Variants in RBMS3 observed in about 807,000 individuals in gnomAD.
RBMS3 encodes the protein RNA binding motif single stranded interacting protein 3, also known as RNA-binding motif, single-stranded-interacting protein 3.
In RBMS3, 27 loss-of-function variants were observed where a neutral mutation model predicts 66.8. The observed-to-expected ratio is 0.40, with a 90% CI of 0.30 to 0.56. The LOEUF (loss-of-function observed/expected upper bound fraction) is 0.56. Ranked by LOEUF, RBMS3 falls within the 20% of genes least tolerant of loss-of-function variation. The pLI is 0.40. For missense variants in RBMS3, 513 were observed against 549.5 expected (o/e 0.93, Z 0.66); for synonymous variants, 188 against 183.0 (o/e 1.03, Z -0.22).
At chr3:29,912,163 T>C (rs1028746128) in intron 10 of RBMS3, among the ~76,000 whole-genome samples, 1 of 152,050 alleles carries the variant, frequency 6.6e-6, no homozygotes, top group Non-Finnish European at 1.5e-5. Flanking sequence ...CTTTCCCAAC[T>C]ACAGTATAAT....
intron 3 of RBMS3, among the ~76,000 whole-genome samples, chr3:29,553,717 G>A (rs937947231): frequency 6.6e-6 from 1 of 151,072 alleles, no homozygotes; most frequent in African/African-American, 2.4e-5. Flanking sequence ...CATTATGAAT[G>A]TCTCGATTTG....
At chr3:29,969,100 A>T (rs968882016) in intron 12 of RBMS3, among the ~76,000 whole-genome samples, 1 of 152,234 alleles carries the variant, frequency 6.6e-6, no homozygotes, top group Non-Finnish European at 1.5e-5. Flanking sequence ...TTGGATAAAC[A>T]TTTTAAATGG....
At chr3:29,995,684 G>A (rs891678685) in intron 14 of RBMS3, among the ~76,000 whole-genome samples, 7 of 152,072 alleles carry the variant, frequency 4.6e-5, no homozygotes, top group Non-Finnish European at 1.0e-4. Context: ...ATAAGTGAAG[G>A]AGAAATAAAA....
chr3:29,513,133 G>A lies in RBMS3; in HGVS notation c.307+24634G>A, dbSNP rs541224299. On this transcript the variant is annotated intron_variant, in intron 3 of 14. Coordinates refer to ENST00000383767, the MANE Select transcript of RBMS3 (RefSeq NM_001003793.3). The stretch of plus-strand genomic sequence containing the variant: ...CCTTTCGCATTTGACATTTACACTG[G>A]TGGCGGATTTTTATGTAACTTGTTA... 7.8e-4 allele frequency among the ~76,000 whole-genome samples: 118 copies of A among 152,250 alleles called. 1 individual carries two copies. The highest frequency in any genetic ancestry group is 3.1e-4 in the Non-Finnish European group (21 of 68,014).
intron 1 of RBMS3, chr3:29,390,919 C>G (rs1436936160): frequency 5.5e-6 from 1 of 182,714 alleles, no homozygotes; most frequent in African/African-American, 2.3e-5. Context: ...AGCTGAAGAC[C>G]ACCCTCATCC....
intron 6 of RBMS3, among the ~76,000 whole-genome samples, chr3:29,771,082 G>A (rs927702077): frequency 6.6e-6 from 1 of 152,006 alleles, no homozygotes. Flanking sequence ...TAAGAGAAAT[G>A]TGAATGAAAA....
chr3:29,295,619 A>C (rs1478659323), intron 1 of RBMS3, among the ~76,000 whole-genome samples: 2 of 151,408 alleles, frequency 1.3e-5, no homozygotes, highest in Admixed American at 6.6e-5. Flanking sequence ...TATGAGATCA[A>C]ATTGAACAGG....
At position 29,434,833 on chromosome 3, in the gene RBMS3, G is replaced by A. The variant is rs2041338354; in HGVS notation, c.166G>A (p.Glu56Lys). ...SNNSSNNSSG[E>K]QLSKTNLYIR... ...CAACAGCAGCAACAACAGCAGCGGG[G>A]AACAGTTGAGTAAAACCAACCTGTA... Residue 56 changes from glutamate (E) to lysine (K), a missense_variant, in exon 2 of 15, where the codon GAA becomes AAA. Coordinates refer to ENST00000383767, the MANE Select transcript of RBMS3 (RefSeq NM_001003793.3). 6.2e-7 allele frequency: 1 copy of A among 1,614,112 alleles called. No individual in the cohort carries two copies. Among genetic ancestry groups the A allele is most frequent in the Non-Finnish European group, 8.5e-7 (1 of 1,180,018 alleles).
chr3:29,626,654 C>T (rs1454686993), intron 4 of RBMS3, among the ~76,000 whole-genome samples: 1 of 152,104 alleles, frequency 6.6e-6, no homozygotes, highest in Non-Finnish European at 1.5e-5. Flanking sequence ...GTAGTGGAAA[C>T]ATCAATATGA....
intron 3 of RBMS3, among the ~76,000 whole-genome samples, chr3:29,514,475 A>G (rs1209503054): frequency 6.6e-6 from 1 of 151,828 alleles, no homozygotes; most frequent in Non-Finnish European, 1.5e-5. Flanking sequence ...TTAGCACTGA[A>G]TGGGATTTAC....
intron 1 of RBMS3, among the ~76,000 whole-genome samples, chr3:29,295,310 T>C (rs368989690): frequency 5.9e-5 from 4 of 67,532 alleles, no homozygotes; most frequent in African/African-American, 1.8e-4. Flanking sequence ...TATATCTATA[T>C]ATATACATAT....
At chr3:29,719,255 G>T (rs1177185736) in intron 4 of RBMS3, among the ~76,000 whole-genome samples, 1 of 152,106 alleles carries the variant, frequency 6.6e-6, no homozygotes, top group Admixed American at 6.6e-5. Flanking sequence ...CCTTATAAAA[G>T]TCTAGAAAGT....
chr3:29,774,588 A>G (rs1203771121), intron 6 of RBMS3, among the ~76,000 whole-genome samples: 2 of 152,096 alleles, frequency 1.3e-5, no homozygotes, highest in Non-Finnish European at 1.5e-5. Context: ...GGTGTTACAG[A>G]GACCGCTGGA....
intron 1 of RBMS3, among the ~76,000 whole-genome samples, chr3:29,402,532 T>A (rs1049552050): frequency 6.6e-6 from 1 of 152,056 alleles, no homozygotes; most frequent in African/African-American, 2.4e-5. Context: ...GTACTTTGAC[T>A]TCCTTTATTT....
chr3:29,599,398 TA>T (rs925237506), intron 4 of RBMS3, among the ~76,000 whole-genome samples: 15 of 143,016 alleles, frequency 1.0e-4, no homozygotes, highest in South Asian at 2.2e-4. Flanking sequence ...ACATAAACTT[TA>T]AAAAAAAAAG....
chr3:29,685,801 C>T (rs2051706204), intron 4 of RBMS3, among the ~76,000 whole-genome samples: 1 of 152,166 alleles, frequency 6.6e-6, no homozygotes, highest in Non-Finnish European at 1.5e-5. Flanking sequence ...ACTTCAGTAC[C>T]TTGCCTGCCA....
At chr3:29,485,602 T>G (rs77215135) in intron 2 of RBMS3, among the ~76,000 whole-genome samples, 14,980 of 152,212 alleles carry the variant, frequency 0.098, 1,039 homozygotes, top group African/African-American at 0.2. Context: ...TAGAAAGAAC[T>G]ATAGTGTAAA....
chr3:29,349,196 C>T (rs1002349802), intron 1 of RBMS3, among the ~76,000 whole-genome samples: 3 of 152,098 alleles, frequency 2.0e-5, no homozygotes, highest in Non-Finnish European at 2.9e-5. Flanking sequence ...CTTTGCACCC[C>T]GTGGAGATCT....
At chr3:29,984,884 G>A (rs1698263926) in intron 12 of RBMS3, among the ~76,000 whole-genome samples, 1 of 152,126 alleles carries the variant, frequency 6.6e-6, no homozygotes, top group Non-Finnish European at 1.5e-5. Flanking sequence ...GTCTGTCAGG[G>A]ACCCACTTGA....
Sources: gnomAD v4.1 joint callset for allele counts (sites outside exome capture counted in the v4.1 genomes callset) on GRCh38, gnomAD v4.1.1 for gene constraint, MANE v1.5 for transcripts, NCBI Gene and HGNC (gene_info 2026-07-23, HGNC 2026-07-21) for gene names.